AUTS2: variants seen among roughly 807,000 people sequenced by gnomAD.
AUTS2 encodes autism susceptibility gene 2 protein.
A neutral mutation model predicts 112.4 loss-of-function variants in AUTS2; 17 were observed. That is an observed-to-expected ratio of 0.15 (90% CI 0.10 to 0.23). The LOEUF (loss-of-function observed/expected upper bound fraction) is 0.23, where lower values mean the gene tolerates loss of function less well. AUTS2 is among the 10% of genes least tolerant of loss of function. AUTS2 has a pLI of 1.00. For synonymous variants in AUTS2, 751 were observed against 702.7 expected (o/e 1.07, Z -1.09); for missense variants, 1,510 against 1,701.6 (o/e 0.89, Z 1.98).
chr7:70,489,473 A>G (rs1438740304), intron 5 of AUTS2, among the ~76,000 whole-genome samples: 2 of 152,214 alleles, frequency 1.3e-5, no homozygotes, highest in East Asian at 3.8e-4. Flanking sequence ...TCCTTCAGTA[A>G]ACCCCCCCAG....
intron 4 of AUTS2, among the ~76,000 whole-genome samples, chr7:70,351,621 C>T (rs966290111): frequency 6.6e-6 from 1 of 152,206 alleles, no homozygotes; most frequent in Non-Finnish European, 1.5e-5. Flanking sequence ...GCTATACCAA[C>T]TTACATTCCT....
At chr7:70,597,785 T>A (rs1803278533) in intron 5 of AUTS2, among the ~76,000 whole-genome samples, 3 of 152,312 alleles carry the variant, frequency 2.0e-5, no homozygotes, top group South Asian at 2.1e-4. Context: ...GGTTTGGAAA[T>A]CACTAGGTTT....
intron 1 of AUTS2, among the ~76,000 whole-genome samples, chr7:69,762,976 C>T (rs761065413): frequency 2.6e-5 from 4 of 152,150 alleles, no homozygotes; most frequent in Non-Finnish European, 5.9e-5. Flanking sequence ...TTCCACCATA[C>T]ACCTTCATCA....
chr7:70,005,604 C>T (rs898575860), intron 2 of AUTS2, among the ~76,000 whole-genome samples: 4 of 151,954 alleles, frequency 2.6e-5, no homozygotes, highest in African/African-American at 9.7e-5. Context: ...GATGCACTTG[C>T]TCAAAGAGGG....
chr7:69,963,627 A>G (rs992536500), intron 2 of AUTS2, among the ~76,000 whole-genome samples: 3 of 152,194 alleles, frequency 2.0e-5, no homozygotes, highest in Non-Finnish European at 2.9e-5. Flanking sequence ...ATCAAGCTCA[A>G]TTGTGAGCCT....
At chr7:70,066,965 T>C (rs1178186381) in intron 2 of AUTS2, among the ~76,000 whole-genome samples, 1 of 152,264 alleles carries the variant, frequency 6.6e-6, no homozygotes, top group Non-Finnish European at 1.5e-5. Flanking sequence ...TGTATAGCAC[T>C]CTGGAGTGTG....
chr7:69,791,510 C>T (rs1789606227), intron 1 of AUTS2, among the ~76,000 whole-genome samples: 4 of 152,180 alleles, frequency 2.6e-5, no homozygotes, highest in Admixed American at 2.6e-4. Flanking sequence ...TCGTTTCATA[C>T]ATCTGCAAAA....
At chr7:70,429,235 T>C (rs1242560582) in intron 4 of AUTS2, among the ~76,000 whole-genome samples, 1 of 152,216 alleles carries the variant, frequency 6.6e-6, no homozygotes, top group Admixed American at 6.5e-5. Context: ...GACTTGTCAG[T>C]ATAATTGAGC....
At chr7:70,635,469 C>T (rs1281869230) in intron 5 of AUTS2, among the ~76,000 whole-genome samples, 4 of 152,228 alleles carry the variant, frequency 2.6e-5, no homozygotes, top group African/African-American at 7.2e-5. Context: ...CACAGCCCGT[C>T]CCAGGCCTTG....
intron 1 of AUTS2, among the ~76,000 whole-genome samples, chr7:69,798,716 T>G (rs1037584338): frequency 2.6e-5 from 4 of 152,108 alleles, no homozygotes; most frequent in Admixed American, 2.6e-4. Context: ...AATAGCTGGG[T>G]GTGGTGACTC....
At position 70,320,468 on chromosome 7, in the gene AUTS2, T is replaced by C. The variant is rs369409730; in HGVS notation, c.661-115284T>C. Among the ~76,000 whole-genome samples, 3 of 152,234 alleles carry C rather than the reference T, an allele frequency of 2.0e-5. No homozygotes were observed. The East Asian group carries it at 5.8e-4, about 29-fold the overall frequency. On this transcript the variant is annotated intron_variant, in intron 4 of 18. Coordinates refer to ENST00000342771, the MANE Select transcript of AUTS2 (RefSeq NM_015570.4). ...TCTGTCTTTATTTTGGATCATGGCATTTATGGAGATCACTAAGCAGGCAGC... is the reference window on the plus strand; with the variant it reads ...TCTGTCTTTATTTTGGATCATGGCACTTATGGAGATCACTAAGCAGGCAGC...
rs1487939036 is a variant in AUTS2, at chr7:70,695,248, C to T, written c.691-3321C>T. Among the ~76,000 whole-genome samples the T allele has an allele frequency of 2.6e-5, 4 of 152,172 alleles. 1 individual carries two copies. Among genetic ancestry groups the T allele is most frequent in the Non-Finnish European group, 5.9e-5 (4 of 68,028 alleles). ...CCCCCCTCTGCGGCCCTGTCGCCCG[C>T]CTTTGTACTTTCCTCCCTCGGCCGG... On this transcript the variant is annotated intron_variant, in intron 5 of 18. Coordinates refer to ENST00000342771, the MANE Select transcript of AUTS2 (RefSeq NM_015570.4).
intron 1 of AUTS2, among the ~76,000 whole-genome samples, chr7:69,885,504 A>G (rs1284684037): frequency 1.3e-5 from 2 of 152,228 alleles, no homozygotes; most frequent in Non-Finnish European, 2.9e-5. Flanking sequence ...GGTGCACAGA[A>G]GGATTTTTAT....
rs552978063 is a variant in AUTS2, at chr7:70,656,934, T to C, written c.691-41635T>C. ...GGGTTTATGCTGGGACTAGGTCATA[T>C]CTGTATTTTAAAAATCCCAGAACAA... On this transcript the variant is annotated intron_variant, in intron 5 of 18. Transcript: ENST00000342771. Among the ~76,000 whole-genome samples, 12 of 152,324 alleles carry C rather than the reference T, an allele frequency of 7.9e-5. No individual in the cohort carries two copies. In the South Asian group the frequency reaches 2.5e-3, roughly 32 times the overall value.
At chr7:70,079,342 A>C (rs1314432344) in intron 2 of AUTS2, among the ~76,000 whole-genome samples, 1 of 151,850 alleles carries the variant, frequency 6.6e-6, no homozygotes, top group Non-Finnish European at 1.5e-5. Context: ...AAGTTATATT[A>C]AAAAAAATAA....
chr7:70,373,047 G>A (rs1792913335), intron 4 of AUTS2, among the ~76,000 whole-genome samples: 2 of 151,594 alleles, frequency 1.3e-5, no homozygotes, highest in South Asian at 4.2e-4. Flanking sequence ...TTGTAGTTAA[G>A]TTTTTTAAAC....
intron 1 of AUTS2, among the ~76,000 whole-genome samples, chr7:69,779,835 A>C (rs1452200648): frequency 1.3e-5 from 2 of 151,628 alleles, no homozygotes; most frequent in Non-Finnish European, 2.9e-5. Context: ...TACTAGTCAT[A>C]GCTACCTGTG....
chr7:69,670,336 A>G (rs1454961489), intron 1 of AUTS2, among the ~76,000 whole-genome samples: 1 of 152,088 alleles, frequency 6.6e-6, no homozygotes, highest in Non-Finnish European at 1.5e-5. Flanking sequence ...CTAATACCCA[A>G]TCCTTTCTCA....
intron 6 of AUTS2, among the ~76,000 whole-genome samples, chr7:70,739,804 TAA>T (rs35729505): frequency 0.011 from 1,544 of 139,530 alleles, 30 homozygotes; most frequent in African/African-American, 0.034. Context: ...CTCTAATTGT[TAA>T]AAAAAAAAAA....
Sources: gnomAD v4.1 joint callset for allele counts (sites outside exome capture counted in the v4.1 genomes callset) on GRCh38, gnomAD v4.1.1 for gene constraint, MANE v1.5 for transcripts, NCBI Gene and HGNC (gene_info 2026-07-23, HGNC 2026-07-21) for gene names.